Variants in CFAP46 observed in about 807,000 individuals in gnomAD.
The protein encoded by CFAP46 is cilia- and flagella-associated protein 46.
CFAP46 carries 245 observed loss-of-function variants against 325.7 expected under a neutral mutation model. That is an observed-to-expected ratio of 0.75 (90% CI 0.68 to 0.84). The LOEUF is 0.84. CFAP46 is among the 40% of genes least tolerant of loss of function. CFAP46 has a pLI of 0.00. For synonymous variants in CFAP46, 1,523 were observed against 1,495.9 expected (o/e 1.02, Z -0.42); for missense variants, 3,346 against 3,543.0 (o/e 0.94, Z 1.41).
rs575416713 is a variant in CFAP46, at chr10:132,842,993, T to C, written c.6438+3064A>G. On this transcript the variant is annotated intron_variant, in intron 44 of 57. Transcript: ENST00000368586. ...CAATACTGCCACATTGGGCATTGTT[T>C]CAACATGAGTTTCAAGGGAGACAAA... is the stretch of plus-strand genomic sequence containing the variant. Among the ~76,000 whole-genome samples the C allele has an allele frequency of 5.9e-5, 9 of 152,376 alleles. No individual in the cohort carries two copies. The South Asian group carries it at 1.9e-3, about 32-fold the overall frequency.
rs1565030019 is a variant in CFAP46 at position 132,810,396 on chromosome 10, GC to G, written c.7664+12del. On this transcript the variant is annotated intron_variant, in intron 57 of 57. Transcript: ENST00000368586. ...TGCTGAAGGCCGCGGGGTGCAGGCC[GC>G]CCCTCCCTTACCTTGGTTCACCGCC... 6.2e-7 allele frequency: 1 copy of G among 1,612,168 alleles called. No homozygotes were observed. Among genetic ancestry groups the G allele is most frequent in the Non-Finnish European group, 8.5e-7 (1 of 1,179,130 alleles).
In CFAP46 at chr10:132,922,118, T is replaced by G; in HGVS notation, c.1592A>C (p.Glu531Ala). The change falls in exon 13 of 58, where the codon GAG becomes GCG. Residue 531 changes from glutamate to alanine, a missense_variant. Transcript: ENST00000368586. ...PDAFQIVLDSENEAKVSTGKN... is the reference protein window; with the variant it reads ...PDAFQIVLDSANEAKVSTGKN... ...GCAGAGCTCACCTTTGGCCTCATTCTCACTGTCCAGCACAATCTGAAACGC... is the reference window on the plus strand; with the variant it reads ...GCAGAGCTCACCTTTGGCCTCATTCGCACTGTCCAGCACAATCTGAAACGC... The G allele has an allele frequency of 6.5e-7, 1 of 1,550,268 alleles. No individual in the cohort carries two copies. The highest frequency in any genetic ancestry group is 8.7e-7 in the Non-Finnish European group (1 of 1,146,894).
intron 22 of CFAP46, among the ~76,000 whole-genome samples, chr10:132,903,804 T>G (rs547432283): frequency 1.3e-5 from 2 of 152,332 alleles, no homozygotes; most frequent in South Asian, 4.1e-4. Flanking sequence ...TCACTGTTGG[T>G]GATTACGTTA....
chr10:132,884,265 C>T lies in CFAP46; in HGVS notation c.3627+838G>A, dbSNP rs1343626465. On this transcript the variant is annotated intron_variant, in intron 27 of 57. Coordinates refer to ENST00000368586, the MANE Select transcript of CFAP46 (RefSeq NM_001200049.3). The surrounding 1 kb of genome is among the most constrained non-coding windows in gnomAD (Gnocchi z 5.4). Reference sequence around the variant, plus strand: ...GGAGCAGTGGCTCCCTGTGGCTCCCCACGGTGGTACCCAGGCGTCTGCCTT... The same window carrying T: ...GGAGCAGTGGCTCCCTGTGGCTCCCTACGGTGGTACCCAGGCGTCTGCCTT... Among the ~76,000 whole-genome samples, 1 of 152,160 alleles carries T rather than the reference C, an allele frequency of 6.6e-6. No individual in the cohort carries two copies. The highest frequency in any genetic ancestry group is 1.5e-5 in the Non-Finnish European group (1 of 68,024).
chr10:132,808,716 G>T lies in CFAP46; in HGVS notation c.7853C>A (p.Pro2618Gln), dbSNP rs951766225. ...LASALGSAPL[P>Q]THPHLPAPIP... ...GGGAGCCGGGAGGTGGGGATGGGTT[G>T]GCAGAGGGGCAGAGCCAAGGGCAGA... The change falls in exon 58 of 58, where the codon CCA (proline) becomes CAA (glutamine). Residue 2618 changes from proline to glutamine, a missense_variant. Pro to Gln is a moderately conservative substitution (Grantham distance 76, BLOSUM62 -1). Coordinates refer to ENST00000368586, the MANE Select transcript of CFAP46 (RefSeq NM_001200049.3). This position sits in a 1 kb window ranked among gnomAD's most constrained non-coding sequence, Gnocchi z 6.8. 4 of 1,567,718 alleles carry T rather than the reference G, an allele frequency of 2.6e-6. No individual in the cohort carries two copies. The highest frequency in any genetic ancestry group is 2.7e-5 in the African/African-American group (2 of 73,668).
At chr10:132,892,298 C>A (rs546386002) in intron 25 of CFAP46, 35 bp downstream of exon 25, 267 of 1,542,840 alleles carry the variant, frequency 1.7e-4, no homozygotes, top group Non-Finnish European at 2.2e-4. Flanking sequence ...TTCCTTGTAC[C>A]TGGAGCCTGT....
intron 24 of CFAP46, among the ~76,000 whole-genome samples, chr10:132,895,732 C>T (rs534142401): frequency 6.6e-6 from 1 of 152,330 alleles, no homozygotes; most frequent in Middle Eastern, 3.4e-3. Context: ...AGCTGTGTGC[C>T]CCCAAAATTC....
intron 50 of CFAP46, among the ~76,000 whole-genome samples, chr10:132,816,282 C>T (rs1460640928): frequency 6.6e-6 from 1 of 151,350 alleles, no homozygotes; most frequent in East Asian, 1.9e-4. Flanking sequence ...TGCATGTTCT[C>T]CTCTGCTCAC....
intron 35 of CFAP46, among the ~76,000 whole-genome samples, chr10:132,863,584 C>A (rs1848754856): frequency 2.0e-5 from 3 of 147,600 alleles, no homozygotes. Context: ...CCTCTCCTCA[C>A]TGCCTGAGAC....
chr10:132,859,460 A>G (rs1848694362), intron 37 of CFAP46, among the ~76,000 whole-genome samples: 1 of 152,162 alleles, frequency 6.6e-6, no homozygotes. Context: ...CAGGCACTGT[A>G]TCCAGGTGGA....
chr10:132,842,633 G>C (rs538073995), intron 44 of CFAP46, among the ~76,000 whole-genome samples: 4 of 152,270 alleles, frequency 2.6e-5, no homozygotes, highest in African/African-American at 9.6e-5. Context: ...AATTTTCTTA[G>C]TCCATTTCCA....
At chr10:132,924,385 C>T (rs1202809681) in intron 11 of CFAP46, among the ~76,000 whole-genome samples, 1 of 118,398 alleles carries the variant, frequency 8.4e-6, no homozygotes, top group African/African-American at 3.7e-5. Flanking sequence ...CCAAGTCCCA[C>T]GGGGCCACAA....
intron 55 of CFAP46, among the ~76,000 whole-genome samples, 168 bp from the exon 56 acceptor site, chr10:132,811,199 C>T (rs1847575541): frequency 6.6e-6 from 1 of 152,210 alleles, no homozygotes; most frequent in African/African-American, 2.4e-5. Context: ...CAGGGACCCC[C>T]TGGCCACAGT....
chr10:132,936,822 T>C, intron 7 of CFAP46, 139 bp downstream of exon 7: 1 of 440,696 alleles, frequency 2.3e-6, no homozygotes. Context: ...CCCAGGCTCC[T>C]ATTCTCCAGC....
At position 132,823,394 on chromosome 10, in the gene CFAP46, G is replaced by A. The variant is rs556506227; in HGVS notation, c.7118-8480C>T. Among the ~76,000 whole-genome samples the A allele has an allele frequency of 1.5e-3, 199 of 135,328 alleles. 2 individuals carry two copies. Among genetic ancestry groups the A allele is most frequent in the Admixed American group, 9.6e-3 (130 of 13,474 alleles). 88.8% of individuals were successfully genotyped at this position (135,328 alleles called of 152,430 possible). ...CTGTGTGCTGTGTGTGCACTGATGT[G>A]TGCTGTGTGTGTGCTGTGTGCTGTG... On this transcript the variant is annotated intron_variant, in intron 50 of 57. Transcript: ENST00000368586.
intron 49 of CFAP46, among the ~76,000 whole-genome samples, 189 bp downstream of exon 49, chr10:132,833,852 A>G (rs1175838228): frequency 2.6e-5 from 4 of 152,188 alleles, no homozygotes; most frequent in African/African-American, 9.6e-5. Flanking sequence ...GGGCTGGTCC[A>G]GGGCTGTGCA....
chr10:132,849,125 G>A (rs973740419), intron 41 of CFAP46, among the ~76,000 whole-genome samples: 1 of 152,336 alleles, frequency 6.6e-6, no homozygotes, highest in East Asian at 1.9e-4. Context: ...GGGACTTGAC[G>A]TCTGCTCTGC....
At chr10:132,875,441 G>A (rs542868146) in intron 31 of CFAP46, among the ~76,000 whole-genome samples, 11 of 152,302 alleles carry the variant, frequency 7.2e-5, no homozygotes, top group South Asian at 2.1e-4. Context: ...TAGCCCAACC[G>A]TCCTGAAGAA....
intron 47 of CFAP46, among the ~76,000 whole-genome samples, chr10:132,835,065 A>C (rs4880434): frequency 6.6e-6 from 1 of 152,118 alleles, no homozygotes; most frequent in Non-Finnish European, 1.5e-5. Flanking sequence ...AGAGTGGACC[A>C]GGCCCCTCCT....
Sources: gnomAD v4.1 joint callset for allele counts (sites outside exome capture counted in the v4.1 genomes callset) on GRCh38, gnomAD v4.1.1 for gene constraint, Gnocchi (gnomAD v3.1) non-coding constraint, MANE v1.5 for transcripts, NCBI Gene and HGNC (gene_info 2026-07-23, HGNC 2026-07-21) for gene names.